The following RBFOX1 variants were observed in gnomAD, a reference collection of about 807,000 sequenced individuals.
RBFOX1 encodes the protein RNA binding protein fox-1 homolog 1.
Under a neutral mutation model 57.7 loss-of-function variants are expected in RBFOX1, and 8 were observed. The ratio of observed to expected loss-of-function variants is 0.14; its 90% CI spans 0.08 to 0.25. The LOEUF (loss-of-function observed/expected upper bound fraction) is 0.25. RBFOX1 is among the 10% of genes least tolerant of loss of function. The pLI, the probability that RBFOX1 is intolerant of heterozygous loss-of-function variation, is 1.00. For missense variants in RBFOX1, 611 were observed against 548.5 expected, an observed-to-expected ratio of 1.11 and a Z score of -1.14; for synonymous variants, 326 against 222.4, an observed-to-expected ratio of 1.47 and a Z score of -4.15.
At chr16:6,236,699 C>T (rs1237414497) in intron 1 of RBFOX1, among the ~76,000 whole-genome samples, 2 of 152,124 alleles carry the variant, frequency 1.3e-5, no homozygotes, top group Non-Finnish European at 2.9e-5. Flanking sequence ...GATCCACCCA[C>T]CTCAGACTCC....
At chr16:7,417,456 C>T (rs2098491991) in intron 4 of RBFOX1, among the ~76,000 whole-genome samples, 1 of 151,592 alleles carries the variant, frequency 6.6e-6, no homozygotes, top group Non-Finnish European at 1.5e-5. Flanking sequence ...CCAAAGTACA[C>T]CACCACCACC....
At chr16:7,534,954 G>A (rs921508350) in intron 5 of RBFOX1, among the ~76,000 whole-genome samples, 1 of 152,148 alleles carries the variant, frequency 6.6e-6, no homozygotes, top group Non-Finnish European at 1.5e-5. Flanking sequence ...CTGGGGCTGA[G>A]CCCTTGGTAA....
At chr16:7,286,560 C>G (rs1048229479) in intron 4 of RBFOX1, among the ~76,000 whole-genome samples, 1 of 150,628 alleles carries the variant, frequency 6.6e-6, no homozygotes, top group African/African-American at 2.4e-5. Flanking sequence ...GCAACTTTCC[C>G]TGCCTCAGCC....
chr16:6,821,498 C>T (rs981581487), intron 3 of RBFOX1, among the ~76,000 whole-genome samples: 6 of 152,166 alleles, frequency 3.9e-5, no homozygotes, highest in Admixed American at 1.3e-4. Context: ...AGTTCCAAAA[C>T]ATTTTCATTA....
chr16:6,779,781 A>T (rs1457839945), intron 3 of RBFOX1, among the ~76,000 whole-genome samples: 1 of 16,212 alleles, frequency 6.2e-5, no homozygotes. Flanking sequence ...ATATTTATAT[A>T]TATTTTTATA....
intron 3 of RBFOX1, among the ~76,000 whole-genome samples, chr16:6,658,822 C>G (rs1431619330): frequency 6.6e-6 from 1 of 152,094 alleles, no homozygotes; most frequent in East Asian, 1.9e-4. Flanking sequence ...CTGGCCATTG[C>G]TTAAACTCTC....
At chr16:7,267,244 C>G (rs1377352875) in intron 4 of RBFOX1, among the ~76,000 whole-genome samples, 2 of 151,528 alleles carry the variant, frequency 1.3e-5, no homozygotes, top group Admixed American at 6.6e-5. Flanking sequence ...ACTAAAAATA[C>G]AAAAATTTAG....
At chr16:5,851,744 G>C (rs1003638644) in intron 3 of RBFOX1, among the ~76,000 whole-genome samples, 1 of 152,206 alleles carries the variant, frequency 6.6e-6, no homozygotes, top group African/African-American at 2.4e-5. Flanking sequence ...CTTTTAAAAA[G>C]AGTCATTGTT....
intron 4 of RBFOX1, among the ~76,000 whole-genome samples, chr16:7,502,690 A>T (rs896291660): frequency 2.0e-5 from 3 of 152,178 alleles, no homozygotes; most frequent in Non-Finnish European, 2.9e-5. Context: ...ATAAACTTTT[A>T]TGATGGGTAG....
intron 4 of RBFOX1, among the ~76,000 whole-genome samples, chr16:7,319,042 G>A (rs756895253): frequency 1.1e-4 from 17 of 152,106 alleles, no homozygotes; most frequent in Non-Finnish European, 2.4e-4. Flanking sequence ...GATGGTTAAG[G>A]CAGGCTAACT....
At chr16:7,151,224 C>A (rs1601119298) in intron 4 of RBFOX1, among the ~76,000 whole-genome samples, 1 of 152,310 alleles carries the variant, frequency 6.6e-6, no homozygotes, top group South Asian at 2.1e-4. Flanking sequence ...TTTTAAAAGT[C>A]ACTCATAGAA....
At chr16:6,917,138 A>T (rs1156915313) in intron 3 of RBFOX1, among the ~76,000 whole-genome samples, 1 of 152,198 alleles carries the variant, frequency 6.6e-6, no homozygotes. Flanking sequence ...GGTGTGAGCC[A>T]CTGTACCCAG....
At chr16:7,182,660 G>C (rs374744121) in intron 4 of RBFOX1, among the ~76,000 whole-genome samples, 4 of 152,180 alleles carry the variant, frequency 2.6e-5, no homozygotes, top group African/African-American at 9.7e-5. Flanking sequence ...TTCCAGAGGA[G>C]GAAGAGCGGC....
At chr16:7,402,556 A>T (rs1394955708) in intron 4 of RBFOX1, among the ~76,000 whole-genome samples, 2 of 152,184 alleles carry the variant, frequency 1.3e-5, no homozygotes, top group Non-Finnish European at 2.9e-5. Flanking sequence ...AAGTATGTGA[A>T]CTTTGGTAGT....
chr16:6,867,344 A>G (rs1464697332), intron 3 of RBFOX1, among the ~76,000 whole-genome samples: 1 of 151,900 alleles, frequency 6.6e-6, no homozygotes, highest in Admixed American at 6.6e-5. Context: ...ACAAGGAATA[A>G]CCTCTCTTGG....
At chr16:6,246,774 C>G (rs1216696861) in intron 1 of RBFOX1, among the ~76,000 whole-genome samples, 2 of 152,146 alleles carry the variant, frequency 1.3e-5, no homozygotes, top group South Asian at 4.1e-4. Context: ...TTCCTAAACT[C>G]CAGTCCATTG....
intron 2 of RBFOX1, among the ~76,000 whole-genome samples, chr16:5,474,275 C>A (rs2069240953): frequency 6.6e-6 from 1 of 152,232 alleles, no homozygotes; most frequent in African/African-American, 2.4e-5. Context: ...TCCACTTACA[C>A]TATAGGCTGA....
At chr16:6,968,100 C>A (rs962993337) in intron 3 of RBFOX1, among the ~76,000 whole-genome samples, 1 of 152,142 alleles carries the variant, frequency 6.6e-6, no homozygotes, top group Non-Finnish European at 1.5e-5. Flanking sequence ...TGGAATGGAT[C>A]TGTGGCTCTG....
At chr16:6,249,415 C>T (rs970293280) in intron 1 of RBFOX1, among the ~76,000 whole-genome samples, 1 of 152,136 alleles carries the variant, frequency 6.6e-6, no homozygotes, top group Non-Finnish European at 1.5e-5. Flanking sequence ...ATCCCAGCTA[C>T]TCGGGAGACT....
Sources: allele counts gnomAD v4.1 joint callset (sites outside exome capture counted in the v4.1 genomes callset), GRCh38; gene constraint gnomAD v4.1.1; transcripts MANE v1.5; gene names NCBI Gene and HGNC (gene_info 2026-07-23, HGNC 2026-07-21).